Variants in FER1L6 observed in about 807,000 individuals in gnomAD.
FER1L6 encodes the protein fer-1 like family member 6.
FER1L6 carries 177 observed loss-of-function variants against 219.2 expected under a neutral mutation model. That is an observed-to-expected ratio of 0.81 (90% confidence interval 0.71 to 0.91). FER1L6 has a LOEUF of 0.91. Among genes scored for constraint, FER1L6 ranks in the 40% least tolerant of loss-of-function variants. The probability of loss-of-function intolerance (pLI) is 0.00; values close to 1 mark genes in which losing one functional copy is unlikely to be tolerated. For synonymous variants in FER1L6, 768 were observed against 824.3 expected (o/e 0.93, Z 1.17); for missense variants, 2,153 against 2,259.9 (o/e 0.95, Z 0.96).
intron 14 of FER1L6, among the ~76,000 whole-genome samples, chr8:124,011,351 CTGTTT>C (rs994917712): frequency 2.0e-5 from 3 of 152,054 alleles, no homozygotes; most frequent in Non-Finnish European, 2.9e-5. Context: ...ACATAACACC[CTGTTT>C]TGTTTTGTTT....
chr8:123,964,410 T>G (rs1343832675), intron 3 of FER1L6, among the ~76,000 whole-genome samples: 1 of 152,212 alleles, frequency 6.6e-6, no homozygotes, highest in African/African-American at 2.4e-5. Flanking sequence ...TTCTGGGTTG[T>G]GACAGGATGG....
chr8:124,114,934 T>TATATATATATATA (rs1823181273), intron 39 of FER1L6, among the ~76,000 whole-genome samples: 2 of 139,502 alleles, frequency 1.4e-5, no homozygotes, highest in African/African-American at 2.6e-5. Flanking sequence ...TATATATATA[T>TATATATATATATA]TCCTTTTCCT....
At chr8:123,948,055 G>A (rs1814582730) in intron 1 of FER1L6, among the ~76,000 whole-genome samples, 1 of 152,208 alleles carries the variant, frequency 6.6e-6, no homozygotes, top group Admixed American at 6.5e-5. Context: ...AGAACCCTAA[G>A]AGACATTCAT....
At chr8:123,882,947 A>G (rs1016058007) in intron 1 of FER1L6, among the ~76,000 whole-genome samples, 8 of 152,112 alleles carry the variant, frequency 5.3e-5, no homozygotes, top group Non-Finnish European at 1.2e-4. Context: ...TGGTGCAGGG[A>G]TATTGATGAT....
chr8:123,946,712 C>T (rs781034584), intron 1 of FER1L6, among the ~76,000 whole-genome samples: 1 of 152,094 alleles, frequency 6.6e-6, no homozygotes, highest in Non-Finnish European at 1.5e-5. Context: ...CATACTCAAT[C>T]TTCCCTCTCT....
At chr8:123,946,492 G>A (rs545348662) in intron 1 of FER1L6, among the ~76,000 whole-genome samples, 21 of 152,286 alleles carry the variant, frequency 1.4e-4, no homozygotes, top group African/African-American at 4.3e-4. Context: ...GACCTCAAGC[G>A]ATCTGCCCGC....
In FER1L6 at chr8:124,094,992, T is replaced by G. The variant is rs1216349675; in HGVS notation, c.4649T>G (p.Ile1550Arg). ...EVGCRLVPEH[I>R]ETRPLYHKDK... Reference sequence around the variant, plus strand: ...GGGTGTAGGCTGGTTCCTGAACACATAGAAACTCGGCCACTGTACCACAAG... The same window carrying G: ...GGGTGTAGGCTGGTTCCTGAACACAGAGAAACTCGGCCACTGTACCACAAG... The change falls in exon 35 of 41, where the codon ATA becomes AGA. Residue 1550 changes from isoleucine (I) to arginine (R), a missense_variant. Transcript: ENST00000522917. The G allele has an allele frequency of 6.2e-7, 1 of 1,613,968 alleles. No homozygotes were observed. Among genetic ancestry groups the G allele is most frequent in the Non-Finnish European group, 8.5e-7 (1 of 1,179,978 alleles).
intron 35 of FER1L6, among the ~76,000 whole-genome samples, chr8:124,095,844 T>C (rs946123572): frequency 3.9e-5 from 6 of 152,186 alleles, no homozygotes; most frequent in African/African-American, 1.2e-4. Context: ...AATGAGGAAA[T>C]TGAAGTTCAG....
chr8:123,974,680 A>AAAAAAAAAAAAAAAAAAAT (rs1362934333), intron 7 of FER1L6, among the ~76,000 whole-genome samples: 8 of 148,490 alleles, frequency 5.4e-5, no homozygotes, highest in Non-Finnish European at 1.0e-4. Context: ...AAAAAAAAAA[A>AAAAAAAAAAAAAAAAAAAT]AAGAAATGTG....
chr8:124,052,249 A>T (rs1820076857), intron 22 of FER1L6, among the ~76,000 whole-genome samples: 1 of 152,142 alleles, frequency 6.6e-6, no homozygotes, highest in Non-Finnish European at 1.5e-5. Context: ...ATAGTGTTGG[A>T]TTGATATGAA....
chr8:123,955,436 G>A (rs1159502706), intron 1 of FER1L6, among the ~76,000 whole-genome samples: 1 of 152,168 alleles, frequency 6.6e-6, no homozygotes, highest in Non-Finnish European at 1.5e-5. Flanking sequence ...CCTTGGTCTC[G>A]AGAGCCCAGG....
intron 22 of FER1L6, chr8:124,058,930 G>A (rs112680539): frequency 4.6e-5 from 7 of 152,302 alleles, no homozygotes; most frequent in African/African-American, 1.4e-4. Flanking sequence ...GAGCTTTCTT[G>A]TAATTAGCTT....
intron 1 of FER1L6, among the ~76,000 whole-genome samples, chr8:123,943,591 T>C (rs879449305): frequency 1.4e-4 from 21 of 152,292 alleles, no homozygotes; most frequent in Admixed American, 3.9e-4. Flanking sequence ...TGGTGGCTGC[T>C]GCCCTTCCTG....
chr8:123,922,737 T>C (rs1433817325), intron 1 of FER1L6, among the ~76,000 whole-genome samples: 1 of 152,184 alleles, frequency 6.6e-6, no homozygotes, highest in African/African-American at 2.4e-5. Context: ...TAGCTTATAA[T>C]TGATGTGTAT....
intron 1 of FER1L6, among the ~76,000 whole-genome samples, chr8:123,937,137 G>A (rs905236773): frequency 5.9e-5 from 9 of 152,080 alleles, no homozygotes; most frequent in South Asian, 2.1e-4. Context: ...AACTCCAGAC[G>A]TTAAGGTGGT....
At chr8:123,868,063 T>G (rs1328162617) in intron 1 of FER1L6, among the ~76,000 whole-genome samples, 1 of 152,222 alleles carries the variant, frequency 6.6e-6, no homozygotes, top group Non-Finnish European at 1.5e-5. Context: ...CTGGCTTTTT[T>G]CCCTCGACAT....
chr8:123,949,620 A>G (rs901196059), intron 1 of FER1L6, among the ~76,000 whole-genome samples: 4 of 152,188 alleles, frequency 2.6e-5, no homozygotes, highest in African/African-American at 9.7e-5. Flanking sequence ...TTGATTTTCA[A>G]ATACTTCCCT....
intron 37 of FER1L6, among the ~76,000 whole-genome samples, chr8:124,099,109 C>T (rs1006828107): frequency 2.6e-5 from 4 of 152,246 alleles, no homozygotes; most frequent in Middle Eastern, 3.4e-3. Context: ...CATTTTCTGC[C>T]GTCTAGCAGT....
intron 1 of FER1L6, among the ~76,000 whole-genome samples, chr8:123,913,974 C>G (rs373501187): frequency 1.3e-5 from 2 of 152,224 alleles, no homozygotes; most frequent in South Asian, 2.1e-4. Context: ...ATGGGTCTTG[C>G]AATTGCAAAG....
Sources: allele counts gnomAD v4.1 joint callset (sites outside exome capture counted in the v4.1 genomes callset), GRCh38; gene constraint gnomAD v4.1.1; transcripts MANE v1.5; gene names NCBI Gene and HGNC (gene_info 2026-07-23, HGNC 2026-07-21).